Variants in LHX6 observed in about 807,000 individuals in gnomAD.
The protein encoded by LHX6 is LIM homeobox 6, also known as LIM/homeobox protein Lhx6.
A neutral mutation model predicts 47.1 loss-of-function variants in LHX6; 15 were observed. That is an observed-to-expected ratio of 0.32 (90% CI 0.21 to 0.49). LHX6 has a LOEUF of 0.49. Among genes scored for constraint, LHX6 ranks in the 20% least tolerant of loss-of-function variants. The pLI, the probability that LHX6 is intolerant of heterozygous loss-of-function variation, is 0.99. For synonymous variants in LHX6, 242 were observed against 233.5 expected, an observed-to-expected ratio of 1.04 and a Z score of -0.33; for missense variants, 404 against 539.6, an observed-to-expected ratio of 0.75 and a Z score of 2.49.
intron 4 of LHX6, among the ~76,000 whole-genome samples, chr9:122,225,833 C>A (rs1025086336): frequency 1.3e-5 from 2 of 152,138 alleles, no homozygotes; most frequent in South Asian, 2.1e-4. Context: ...GAGACGGTTG[C>A]GGCGCTGGTG....
chr9:122,226,172 G>T lies in LHX6; in HGVS notation c.461+204C>A, dbSNP rs1012166270. Among the ~76,000 whole-genome samples, 6 of 152,192 alleles carry T rather than the reference G, an allele frequency of 3.9e-5. No homozygotes were observed. The highest frequency in any genetic ancestry group is 3.9e-4 in the Admixed American group (6 of 15,290). On this transcript the variant is annotated intron_variant, in intron 4 of 9. Coordinates refer to ENST00000394319, the MANE Select transcript of LHX6 (RefSeq NM_014368.5). This position sits in a 1 kb window ranked among gnomAD's most constrained non-coding sequence, Gnocchi z 6.5. ...CGAGGACCGAAGGCAGATCCGGGGCGCAAACCTGTGCAGGCACTGGCGCGC... is the reference window on the plus strand; with the variant it reads ...CGAGGACCGAAGGCAGATCCGGGGCTCAAACCTGTGCAGGCACTGGCGCGC...
intron 4 of LHX6, among the ~76,000 whole-genome samples, chr9:122,224,248 A>G (rs571599887): frequency 6.6e-6 from 1 of 151,982 alleles, no homozygotes; most frequent in African/African-American, 2.4e-5. Context: ...GATGGTCTCG[A>G]TCTCCTGACC....
In LHX6 at chr9:122,226,184, A is replaced by G. The variant is rs1045349998; in HGVS notation, c.461+192T>C. ...GCAGATCCGGGGCGCAAACCTGTGC[A>G]GGCACTGGCGCGCTGCCTGGAGCTC... On this transcript the variant is annotated intron_variant, in intron 4 of 9. Transcript: ENST00000394319. The surrounding 1 kb of genome is among the most constrained non-coding windows in gnomAD (Gnocchi z 6.5). Among the ~76,000 whole-genome samples, 2 of 152,214 alleles carry G rather than the reference A, an allele frequency of 1.3e-5. No homozygotes were observed. The highest frequency in any genetic ancestry group is 2.9e-5 in the Non-Finnish European group (2 of 68,030).
rs1830504226 is a variant in LHX6, at chr9:122,214,149, G to C, written c.784-80C>G. ...GCCCAATCAGCGGCGCCAGTCCACA[G>C]GCCACGCCCCAGGCAGCTGCGGCCC... On this transcript the variant is annotated intron_variant, in intron 6 of 9. Coordinates refer to ENST00000394319, the MANE Select transcript of LHX6 (RefSeq NM_014368.5). This position sits in a 1 kb window ranked among gnomAD's most constrained non-coding sequence, Gnocchi z 4.6. 3.0e-5 allele frequency: 44 copies of C among 1,462,590 alleles called. No homozygotes were observed. In the South Asian group the frequency reaches 5.0e-4, roughly 17 times the overall value. 90.6% of individuals were successfully genotyped at this position (1,462,590 alleles called of 1,614,324 possible).
rs1018884481 is a variant in LHX6, at chr9:122,204,416, C to A, written c.*344G>T. On this transcript the variant is annotated 3_prime_UTR_variant, in exon 10 of 10. Transcript: ENST00000394319. Reference sequence around the variant, plus strand: ...GAAAAAAACCTGTAAATGAGAAGGCCGTTGGCATCGCACAATTCAATTCCG... The same window carrying A: ...GAAAAAAACCTGTAAATGAGAAGGCAGTTGGCATCGCACAATTCAATTCCG... The A allele has an allele frequency of 1.7e-5, 6 of 358,940 alleles. No homozygotes were observed. The Admixed American group carries it at 2.8e-4, about 17-fold the overall frequency. 22.2% of individuals were successfully genotyped at this position (358,940 alleles called of 1,614,324 possible). A position where few individuals can be genotyped will look rare whatever the true frequency, so the allele number is the denominator to read the frequency against.
rs903795376 is a variant in LHX6, at chr9:122,226,445, G to A, written c.392C>T (p.Thr131Met). ...GCAGCTGTTCTGCTGCCTCAGCGAC[G>A]TGCGACACACGGAGCACTCGAGGCA... ...VRCLECSVCR[T>M]SLRQQNSCYI... Residue 131 changes from threonine to methionine, a missense_variant, in exon 4 of 10, where the codon ACG becomes ATG. Thr to Met is a moderately conservative substitution (Grantham distance 81, BLOSUM62 -1). This residue lies in a region of LHX6 where 53 missense variants were observed against 97.4 expected (regional missense o/e 0.54). Transcript: ENST00000394319. This position sits in a 1 kb window ranked among gnomAD's most constrained non-coding sequence, Gnocchi z 6.5. 5.0e-6 allele frequency: 8 copies of A among 1,613,738 alleles called. No individual in the cohort carries two copies. Among genetic ancestry groups the A allele is most frequent in the Admixed American group, 1.7e-5 (1 of 60,002 alleles).
At chr9:122,208,367 CT>C (rs1459673437) in intron 9 of LHX6, among the ~76,000 whole-genome samples, 1 of 152,104 alleles carries the variant, frequency 6.6e-6, no homozygotes, top group East Asian at 1.9e-4. Flanking sequence ...ATGGCTTCCC[CT>C]GTCACACTGT....
At chr9:122,228,496 C>A in intron 1 of LHX6, 161 bp downstream of exon 1, 1 of 1,420,618 alleles carries the variant, frequency 7.0e-7, no homozygotes, top group South Asian at 1.5e-5. Context: ...ACCCCCCCCC[C>A]CCGCTCGCGC....
chr9:122,227,402 G>T lies in LHX6; in HGVS notation c.156+7C>A. On this transcript the variant is annotated splice_region_variant and intron_variant, in intron 2 of 9. Transcript: ENST00000394319. ...TGGGCACCGCAGGCAGGGCCAAACG[G>T]ACTCACCATGGCGGGCGGCGCGGTC... 1 of 1,442,704 alleles carries T rather than the reference G, an allele frequency of 6.9e-7. No individual in the cohort carries two copies. 89.4% of individuals were successfully genotyped at this position (1,442,704 alleles called of 1,614,324 possible). A position where few individuals can be genotyped will look rare whatever the true frequency, so the allele number is the denominator to read the frequency against.
At chr9:122,225,010 C>T (rs1196200846) in intron 4 of LHX6, among the ~76,000 whole-genome samples, 1 of 152,174 alleles carries the variant, frequency 6.6e-6, no homozygotes, top group Non-Finnish European at 1.5e-5. Context: ...TTTAACCATG[C>T]TTCTCATGGT....
At position 122,204,392 on chromosome 9, in the gene LHX6, A is replaced by G. The variant is rs559487193; in HGVS notation, c.*368T>C. The G allele has an allele frequency of 1.6e-5, 5 of 318,944 alleles. No individual in the cohort carries two copies. The highest frequency in any genetic ancestry group is 4.3e-5 in the African/African-American group (2 of 46,930). The allele number at this position is 318,944 out of a possible 1,614,324, so 19.8% of individuals were successfully genotyped here. A position where few individuals can be genotyped will look rare whatever the true frequency, so the allele number is the denominator to read the frequency against. On this transcript the variant is annotated 3_prime_UTR_variant, in exon 10 of 10. Transcript: ENST00000394319. ...TAGTAAATAAAGGCCAATGTGGGGG[A>G]AAAAAACCTGTAAATGAGAAGGCCG... is the stretch of plus-strand genomic sequence containing the variant.
Position 122,226,950 on chromosome 9 carries a change from T to C in LHX6, c.237A>G (p.Pro79=), listed in dbSNP as rs755464037. 3.0e-5 allele frequency: 47 copies of C among 1,555,798 alleles called. No individual in the cohort carries two copies. Among genetic ancestry groups the C allele is most frequent in the Non-Finnish European group, 3.9e-5 (45 of 1,149,938 alleles). Residue 79 remains proline (P), a synonymous_variant, in exon 3 of 10, where the codon CCA becomes CCG. Coordinates refer to ENST00000394319, the MANE Select transcript of LHX6 (RefSeq NM_014368.5). The surrounding 1 kb of genome is among the most constrained non-coding windows in gnomAD (Gnocchi z 6.5). ...GQASPCTPST[P]SVCSPPSAAS... ...CGGCAGAGGGCGGTGAGCAGACAGA[T>C]GGCGTGCTGGGCGTACATGGGGAGG...
rs1310099445 is a variant in LHX6, at chr9:122,217,943, T to G, written c.462-655A>C. 6.6e-6 allele frequency among the ~76,000 whole-genome samples: 1 copy of G among 152,236 alleles called. No individual in the cohort carries two copies. Among genetic ancestry groups the G allele is most frequent in the Admixed American group, 6.5e-5 (1 of 15,288 alleles). On this transcript the variant is annotated intron_variant, in intron 4 of 9. Transcript: ENST00000394319. This position sits in a 1 kb window ranked among gnomAD's most constrained non-coding sequence, Gnocchi z 4.9. ...TGACAACAGCAATGACTACTACTGT[T>G]TGTTTAGTGCTTTGCAGTTGGCTAA... is the stretch of plus-strand genomic sequence containing the variant.
chr9:122,206,094 C>T (rs970961672), intron 9 of LHX6, among the ~76,000 whole-genome samples: 2 of 152,238 alleles, frequency 1.3e-5, no homozygotes, highest in South Asian at 2.1e-4. Flanking sequence ...CAGCTTAGCC[C>T]TGATTTCTAA....
At position 122,225,985 on chromosome 9, in the gene LHX6, C is replaced by G. The variant is rs553065177; in HGVS notation, c.461+391G>C. Among the ~76,000 whole-genome samples the G allele has an allele frequency of 1.3e-3, 204 of 152,270 alleles. 2 individuals are homozygous for G. Among genetic ancestry groups the G allele is most frequent in the Non-Finnish European group, 2.2e-3 (152 of 68,020 alleles). ...GTAGGGTTGGAACTCGAAGCCCGAACGCACTGGAAATGCAGCCGGACGACG... is the reference window on the plus strand; with the variant it reads ...GTAGGGTTGGAACTCGAAGCCCGAAGGCACTGGAAATGCAGCCGGACGACG... On this transcript the variant is annotated intron_variant, in intron 4 of 9. Transcript: ENST00000394319.
intron 5 of LHX6, among the ~76,000 whole-genome samples, chr9:122,216,037 A>C (rs1297110280): frequency 6.6e-6 from 1 of 152,184 alleles, no homozygotes; most frequent in African/African-American, 2.4e-5. Context: ...CCTAGAGCTT[A>C]GGGCCAAGGT....
In LHX6 at chr9:122,227,460, G is replaced by T. The variant is rs1004374568; in HGVS notation, c.105C>A (p.Ser35=). 5 of 1,477,952 alleles carry T rather than the reference G, an allele frequency of 3.4e-6. No individual in the cohort carries two copies. The highest frequency in any genetic ancestry group is 2.9e-5 in the African/African-American group (2 of 70,106). 91.6% of individuals were successfully genotyped at this position (1,477,952 alleles called of 1,614,324 possible). A position where few individuals can be genotyped will look rare whatever the true frequency, so the allele number is the denominator to read the frequency against. Reference sequence around the variant, plus strand: ...GACAGCGGGTGGTCGCTTTGCAGCCGGACCCTGGCTGGGCCATCACCTGGG... The same window carrying T: ...GACAGCGGGTGGTCGCTTTGCAGCCTGACCCTGGCTGGGCCATCACCTGGG... ...ATDQVMAQPG[S]GCKATTRCLE... The change falls in exon 2 of 10, where the codon TCC becomes TCA. Residue 35 remains serine (S), a synonymous_variant. Transcript: ENST00000394319.
At position 122,213,145 on chromosome 9, in the gene LHX6, C is replaced by T. The variant is rs996490658; in HGVS notation, c.1054+461G>A. On this transcript the variant is annotated intron_variant, in intron 8 of 9. Transcript: ENST00000394319. This position sits in a 1 kb window ranked among gnomAD's most constrained non-coding sequence, Gnocchi z 5.5. ...ATCCTATCCATCCTTTCAGTCTCTG[C>T]TTGCTGAAAGGCAGCCCAGCCCCTT... Among the ~76,000 whole-genome samples, 7 of 152,044 alleles carry T rather than the reference C, an allele frequency of 4.6e-5. No individual in the cohort carries two copies. Among genetic ancestry groups the T allele is most frequent in the Non-Finnish European group, 8.8e-5 (6 of 68,012 alleles).
At chr9:122,215,465 G>A (rs1288411521) in intron 5 of LHX6, among the ~76,000 whole-genome samples, 1 of 152,220 alleles carries the variant, frequency 6.6e-6, no homozygotes, top group African/African-American at 2.4e-5. Flanking sequence ...CAGCTTTCAA[G>A]TTCCTCAGCA....
Sources: allele counts gnomAD v4.1 joint callset (sites outside exome capture counted in the v4.1 genomes callset), GRCh38; gene constraint gnomAD v4.1.1; regional missense constraint gnomAD v4.1.1; non-coding constraint Gnocchi (gnomAD v3.1); transcripts MANE v1.5; gene names NCBI Gene and HGNC (gene_info 2026-07-23, HGNC 2026-07-21).